Variants in ATP10B observed in about 807,000 individuals in gnomAD.
The protein encoded by ATP10B is phospholipid-transporting ATPase VB.
In ATP10B, 122 loss-of-function variants were observed where a neutral mutation model predicts 141.2. That is an observed-to-expected ratio of 0.86 (90% CI 0.75 to 1.00). ATP10B has a LOEUF of 1.00. Among genes scored for constraint, ATP10B ranks in the 50% least tolerant of loss-of-function variants. ATP10B has a pLI of 0.00. For synonymous variants in ATP10B, 685 were observed against 692.0 expected (o/e 0.99, Z 0.16); for missense variants, 1,876 against 1,825.3 (o/e 1.03, Z -0.51).
chr5:160,631,838 C>G (rs866117875), intron 13 of ATP10B, among the ~76,000 whole-genome samples: 1 of 152,158 alleles, frequency 6.6e-6, no homozygotes, highest in African/African-American at 2.4e-5. Context: ...CAGTTGTTGC[C>G]ATGAGGAAAT....
Position 160,808,434 on chromosome 5 carries a change from AC to A in ATP10B, c.-575-22632del, listed in dbSNP as rs1772933985. ...TGAGCATGGCTTTGGTGACTTCAAA[AC>A]TTTTGTGGACAAATTTGACTTTGTG... On this transcript the variant is annotated intron_variant, in intron 1 of 25. Coordinates refer to ENST00000327245, the MANE Select transcript of ATP10B (RefSeq NM_025153.3). 2.0e-5 allele frequency among the ~76,000 whole-genome samples: 3 copies of A among 152,114 alleles called. No individual in the cohort carries two copies. In the South Asian group the frequency reaches 6.2e-4, roughly 32 times the overall value.
chr5:160,881,577 C>T, the ATP10B span, among the ~76,000 whole-genome samples: 2 of 152,088 alleles, frequency 1.3e-5, no homozygotes, highest in Non-Finnish European at 2.9e-5. Context: ...CTTTGGGAGG[C>T]CGAGGCGGGT....
At chr5:160,827,581 C>A (rs1461195861) in intron 1 of ATP10B, among the ~76,000 whole-genome samples, 1 of 152,116 alleles carries the variant, frequency 6.6e-6, no homozygotes, top group African/African-American at 2.4e-5. Context: ...TATTTTATCC[C>A]ATTCTGTAGG....
chr5:160,658,173 T>C (rs1761639015), intron 7 of ATP10B, among the ~76,000 whole-genome samples: 1 of 152,230 alleles, frequency 6.6e-6, no homozygotes, highest in South Asian at 2.1e-4. Flanking sequence ...GTACAGTGTC[T>C]GGCAACAGGA....
At chr5:160,702,185 T>C (rs1444384176) in intron 3 of ATP10B, among the ~76,000 whole-genome samples, 8 of 152,232 alleles carry the variant, frequency 5.3e-5, no homozygotes, top group African/African-American at 1.7e-4. Context: ...ATTTGTAATT[T>C]AAAATTATTT....
At chr5:160,678,506 A>C (rs1763177896) in intron 6 of ATP10B, among the ~76,000 whole-genome samples, 1 of 152,180 alleles carries the variant, frequency 6.6e-6, no homozygotes, top group Non-Finnish European at 1.5e-5. Flanking sequence ...TAAAAATACA[A>C]AAATTACCCG....
rs147748931 is a variant in ATP10B at position 160,579,469 on chromosome 5, A to G, written c.3751-9786T>C. 9.7e-3 allele frequency among the ~76,000 whole-genome samples: 1,477 copies of G among 152,244 alleles called. 27 individuals are homozygous for G. The highest frequency in any genetic ancestry group is 0.031 in the African/African-American group (1,289 of 41,540). On this transcript the variant is annotated intron_variant, in intron 24 of 25. Coordinates refer to ENST00000327245, the MANE Select transcript of ATP10B (RefSeq NM_025153.3). ...TTCTGTCAGAGTTGTCAAAGATCAG[A>G]TGGTTGTAGATGTGTGATGTGATTT...
At chr5:160,634,178 A>T in intron 12 of ATP10B, 176 bp downstream of exon 12, 1 of 883,928 alleles carries the variant, frequency 1.1e-6, no homozygotes, top group Non-Finnish European at 1.9e-6. Flanking sequence ...GTTTACAAGT[A>T]ATTGGAACAG....
chr5:160,601,056 C>CA (rs960060532), intron 21 of ATP10B, among the ~76,000 whole-genome samples: 3 of 152,046 alleles, frequency 2.0e-5, no homozygotes, highest in Admixed American at 6.6e-5. Context: ...CTTGAGCTGC[C>CA]AAAAAAATTA....
chr5:160,663,290 A>T (rs1397192849), intron 7 of ATP10B, among the ~76,000 whole-genome samples: 2 of 152,178 alleles, frequency 1.3e-5, no homozygotes, highest in Admixed American at 6.5e-5. Flanking sequence ...CCTTACTGGA[A>T]ATATACCCAA....
chr5:160,907,028 T>C, the ATP10B span, among the ~76,000 whole-genome samples: 1 of 152,176 alleles, frequency 6.6e-6, no homozygotes, highest in Admixed American at 6.5e-5. Flanking sequence ...AGATTTCTTT[T>C]AAAAGAACAA....
chr5:160,641,224 T>C (rs1341548156), intron 9 of ATP10B, among the ~76,000 whole-genome samples: 2 of 152,010 alleles, frequency 1.3e-5, no homozygotes, highest in African/African-American at 4.8e-5. Flanking sequence ...GAAAGCAGAG[T>C]TGGCAGCAGA....
chr5:160,746,891 G>A (rs1193226948), intron 2 of ATP10B, among the ~76,000 whole-genome samples: 2 of 152,202 alleles, frequency 1.3e-5, no homozygotes, highest in Non-Finnish European at 2.9e-5. Context: ...ACAGCAAGTG[G>A]CAAGACTGGG....
intron 24 of ATP10B, among the ~76,000 whole-genome samples, chr5:160,571,783 A>G (rs1046067635): frequency 6.6e-6 from 1 of 152,218 alleles, no homozygotes; most frequent in South Asian, 2.1e-4. Flanking sequence ...CCCAGGTAAC[A>G]TGAACCTGGG....
chr5:160,733,665 T>TTATA (rs34394968), intron 2 of ATP10B, among the ~76,000 whole-genome samples: 10 of 148,362 alleles, frequency 6.7e-5, no homozygotes, highest in African/African-American at 1.5e-4. Context: ...ATATGTAACG[T>TTATA]TATATATATA....
intron 7 of ATP10B, among the ~76,000 whole-genome samples, chr5:160,651,938 A>G (rs908590543): frequency 6.6e-6 from 1 of 152,006 alleles, no homozygotes. Context: ...CTCCTGATCC[A>G]CACCACTCAG....
chr5:160,792,125 T>A (rs1447321289), intron 1 of ATP10B, among the ~76,000 whole-genome samples: 1 of 152,076 alleles, frequency 6.6e-6, no homozygotes, highest in East Asian at 1.9e-4. Flanking sequence ...CCCCCCTCCC[T>A]AAACTTTCAT....
At chr5:160,567,414 GC>G (rs1243768509) in intron 25 of ATP10B, among the ~76,000 whole-genome samples, 3 of 152,160 alleles carry the variant, frequency 2.0e-5, no homozygotes, top group Non-Finnish European at 4.4e-5. Context: ...TTGAGGAAAT[GC>G]CCCCTCCATT....
At chr5:160,683,571 A>G (rs911464341) in intron 6 of ATP10B, among the ~76,000 whole-genome samples, 15 of 152,240 alleles carry the variant, frequency 9.9e-5, no homozygotes, top group African/African-American at 3.4e-4. Flanking sequence ...GCTGGAGTAC[A>G]TACCTCGAAG....
Sources: gnomAD v4.1 joint callset for allele counts (sites outside exome capture counted in the v4.1 genomes callset) on GRCh38, gnomAD v4.1.1 for gene constraint, MANE v1.5 for transcripts, NCBI Gene and HGNC (gene_info 2026-07-23, HGNC 2026-07-21) for gene names.